Variants in ROBO2 observed in about 807,000 individuals in gnomAD.
ROBO2 encodes roundabout homolog 2.
In ROBO2, 53 loss-of-function variants were observed where a neutral mutation model predicts 160.8. The ratio of observed to expected loss-of-function variants is 0.33; its 90% CI spans 0.26 to 0.41. ROBO2 has a LOEUF of 0.41. Among genes scored for constraint, ROBO2 ranks in the 10% least tolerant of loss-of-function variants. ROBO2 has a pLI of 1.00. For missense variants in ROBO2, 1,577 were observed against 1,722.4 expected (o/e 0.92, Z 1.49); for synonymous variants, 664 against 611.7 (o/e 1.09, Z -1.26).
intron 2 of ROBO2, among the ~76,000 whole-genome samples, chr3:76,562,726 C>G (rs981197672): frequency 6.6e-6 from 1 of 152,096 alleles, no homozygotes; most frequent in East Asian, 1.9e-4. Context: ...TTTGTCATGT[C>G]TTTCTTTATA....
chr3:77,294,178 C>T (rs2061705714), intron 2 of ROBO2, among the ~76,000 whole-genome samples: 2 of 141,456 alleles, frequency 1.4e-5, no homozygotes, highest in Admixed American at 7.6e-5. Context: ...GGCTAGATCA[C>T]CCCAGATGTG....
At chr3:76,109,915 G>A (rs56148658) in intron 2 of ROBO2, among the ~76,000 whole-genome samples, 1,673 of 151,912 alleles carry the variant, frequency 0.011, 21 homozygotes, top group African/African-American at 0.027. Context: ...ATGGGAATAC[G>A]TGGTATTTGA....
intron 2 of ROBO2, among the ~76,000 whole-genome samples, chr3:76,842,195 A>T (rs542425991): frequency 1.3e-5 from 2 of 152,342 alleles, no homozygotes; most frequent in East Asian, 3.9e-4. Context: ...GAGTCATAAG[A>T]TTGAAAACGT....
At chr3:76,252,597 AGAT>A (rs1706078212) in intron 2 of ROBO2, among the ~76,000 whole-genome samples, 1 of 152,002 alleles carries the variant, frequency 6.6e-6, no homozygotes, top group African/African-American at 2.4e-5. Context: ...AACATTACAA[AGAT>A]GATGTTTTAT....
intron 2 of ROBO2, among the ~76,000 whole-genome samples, chr3:75,950,763 A>C (rs1226210252): frequency 6.6e-6 from 1 of 151,970 alleles, no homozygotes; most frequent in Non-Finnish European, 1.5e-5. Flanking sequence ...AAGGCTGTGC[A>C]TGTGAGGTTG....
At chr3:76,762,482 G>C (rs2061362881) in intron 2 of ROBO2, among the ~76,000 whole-genome samples, 1 of 145,718 alleles carries the variant, frequency 6.9e-6, no homozygotes, top group East Asian at 2.0e-4. Flanking sequence ...AACTGTTTCT[G>C]AGAAGCAAGT....
At chr3:77,268,880 A>G (rs2059307234) in intron 2 of ROBO2, among the ~76,000 whole-genome samples, 1 of 152,210 alleles carries the variant, frequency 6.6e-6, no homozygotes, top group African/African-American at 2.4e-5. Flanking sequence ...TGCATAGCCC[A>G]TCTGTAGAAA....
At chr3:77,057,465 A>T (rs138945476) in intron 1 of ROBO2, among the ~76,000 whole-genome samples, 3,754 of 152,186 alleles carry the variant, frequency 0.025, 79 homozygotes, top group Non-Finnish European at 0.035. Context: ...TATATATATT[A>T]AAAAAAGACC....
chr3:76,157,026 G>A (rs1441007388), intron 2 of ROBO2, among the ~76,000 whole-genome samples: 1 of 152,058 alleles, frequency 6.6e-6, no homozygotes, highest in Non-Finnish European at 1.5e-5. Flanking sequence ...AAGTATGTGT[G>A]TGGATATGTG....
At chr3:76,284,639 T>A (rs1708420484) in intron 2 of ROBO2, among the ~76,000 whole-genome samples, 1 of 152,166 alleles carries the variant, frequency 6.6e-6, no homozygotes, top group African/African-American at 2.4e-5. Context: ...AAAATATTAT[T>A]TGATCATCAG....
rs539240389 is a variant in ROBO2, at chr3:77,123,439, A to C, written c.388+25099A>C. 3.5e-3 allele frequency among the ~76,000 whole-genome samples: 527 copies of C among 152,254 alleles called. 5 individuals are homozygous for C. Among genetic ancestry groups the C allele is most frequent in the African/African-American group, 0.012 (500 of 41,554 alleles). On this transcript the variant is annotated intron_variant, in intron 2 of 25. Coordinates refer to ENST00000461745, the Ensembl canonical transcript of ROBO2. ...TGCAAAAACTTTGAGGAGTTAGAAAATAATTGAGGTTGATTATTGGAGCAC... is the reference window on the plus strand; with the variant it reads ...TGCAAAAACTTTGAGGAGTTAGAAACTAATTGAGGTTGATTATTGGAGCAC...
At chr3:77,517,815 C>T (rs2090178998) in intron 5 of ROBO2, among the ~76,000 whole-genome samples, 1 of 151,182 alleles carries the variant, frequency 6.6e-6, no homozygotes, top group African/African-American at 2.4e-5. Flanking sequence ...CCAGCATATC[C>T]ACGCTATGCA....
intron 2 of ROBO2, among the ~76,000 whole-genome samples, chr3:76,895,552 C>A (rs1315263264): frequency 6.6e-6 from 1 of 151,878 alleles, no homozygotes; most frequent in Non-Finnish European, 1.5e-5. Context: ...AACCAAGTAC[C>A]ATTCATATAA....
intron 2 of ROBO2, among the ~76,000 whole-genome samples, chr3:77,102,771 A>G (rs1372873442): frequency 6.6e-6 from 1 of 151,606 alleles, no homozygotes; most frequent in Non-Finnish European, 1.5e-5. Context: ...CTGGAACAAT[A>G]CAGCAGAGGG....
chr3:76,009,203 C>T (rs895881831), intron 2 of ROBO2, among the ~76,000 whole-genome samples: 2 of 152,072 alleles, frequency 1.3e-5, no homozygotes, highest in African/African-American at 2.4e-5. Flanking sequence ...CCCGGGTTCC[C>T]GCCATTCTCC....
At chr3:76,765,727 C>T (rs2061543306) in intron 2 of ROBO2, among the ~76,000 whole-genome samples, 1 of 151,626 alleles carries the variant, frequency 6.6e-6, no homozygotes, top group Non-Finnish European at 1.5e-5. Context: ...ATGTCCAGTT[C>T]AGCTAACATT....
At chr3:76,355,008 GTGTGTA>G (rs1475992055) in intron 2 of ROBO2, among the ~76,000 whole-genome samples, 21 of 150,860 alleles carry the variant, frequency 1.4e-4, no homozygotes, top group African/African-American at 5.1e-4. Context: ...ATCTGGATAT[GTGTGTA>G]TGTGTATGTT....
intron 2 of ROBO2, among the ~76,000 whole-genome samples, chr3:76,109,355 T>C (rs1382257367): frequency 1.3e-5 from 2 of 152,062 alleles, no homozygotes; most frequent in African/African-American, 4.8e-5. Context: ...ATTAAAATCA[T>C]GGCAGTATGG....
At chr3:76,905,546 G>C (rs1559681837) in intron 2 of ROBO2, among the ~76,000 whole-genome samples, 1 of 152,118 alleles carries the variant, frequency 6.6e-6, no homozygotes, top group East Asian at 1.9e-4. Flanking sequence ...TACCAAGCTA[G>C]ATATGACCCA....
Sources: gnomAD v4.1 joint callset for allele counts (sites outside exome capture counted in the v4.1 genomes callset) on GRCh38, gnomAD v4.1.1 for gene constraint, MANE v1.5 for transcripts, NCBI Gene and HGNC (gene_info 2026-07-23, HGNC 2026-07-21) for gene names.